The following ISL1 variants were observed in gnomAD, a reference collection of about 807,000 sequenced individuals.
ISL1 encodes the protein ISL LIM homeobox 1, also known as insulin gene enhancer protein ISL-1.
ISL1 carries 4 observed loss-of-function variants against 35.3 expected under a neutral mutation model. That is an observed-to-expected ratio of 0.11 (90% CI 0.06 to 0.26). The LOEUF (loss-of-function observed/expected upper bound fraction) is 0.26. Among genes scored for constraint, ISL1 ranks in the 10% least tolerant of loss-of-function variants. The pLI is 1.00. For missense variants in ISL1, 340 were observed against 472.8 expected, an observed-to-expected ratio of 0.72 and a Z score of 2.60; for synonymous variants, 186 against 172.3, an observed-to-expected ratio of 1.08 and a Z score of -0.62.
chr5:51,390,236 G>C (rs1201724776), intron 4 of ISL1, among the ~76,000 whole-genome samples: 2 of 152,146 alleles, frequency 1.3e-5, no homozygotes, highest in African/African-American at 4.8e-5. Context: ...CCGGAGAAAC[G>C]CCGTCCTCCC....
Position 51,389,839 on chromosome 5 carries a change from G to A in ISL1, c.672G>A (p.Val224=). ...LVEMTGLSPR[V]IRVWFQNKRC... ...AGATGACGGGCCTCAGTCCCCGTGTGATCCGGGTCTGGTTTCAAAACAAGC... is the reference window on the plus strand; with the variant it reads ...AGATGACGGGCCTCAGTCCCCGTGTAATCCGGGTCTGGTTTCAAAACAAGC... The change falls in exon 4 of 6, where the codon GTG becomes GTA. Residue 224 remains valine, a synonymous_variant. Coordinates refer to ENST00000230658, the MANE Select transcript of ISL1 (RefSeq NM_002202.3). The surrounding 1 kb of genome is among the most constrained non-coding windows in gnomAD (Gnocchi z 5.0). 6.2e-7 allele frequency: 1 copy of A among 1,614,240 alleles called. No individual in the cohort carries two copies. Among genetic ancestry groups the A allele is most frequent in the Non-Finnish European group, 8.5e-7 (1 of 1,180,046 alleles).
At position 51,383,560 on chromosome 5, in the gene ISL1, A is replaced by C; in HGVS notation, c.-112A>C. 1.1e-6 allele frequency: 1 copy of C among 935,470 alleles called. No individual in the cohort carries two copies. Among genetic ancestry groups the C allele is most frequent in the Non-Finnish European group, 1.8e-6 (1 of 563,066 alleles). 57.9% of individuals were successfully genotyped at this position (935,470 alleles called of 1,614,324 possible). A position where few individuals can be genotyped will look rare whatever the true frequency, so the allele number is the denominator to read the frequency against. Reference sequence around the variant, plus strand: ...AGCAGCGGCTCTTTCAGCATTGGCAACCCCAGGGGCCAATATTTCCCACTT... The same window carrying C: ...AGCAGCGGCTCTTTCAGCATTGGCACCCCCAGGGGCCAATATTTCCCACTT... On this transcript the variant is annotated 5_prime_UTR_variant, in exon 1 of 6. Transcript: ENST00000230658.
intron 2 of ISL1, chr5:51,386,538 A>G (rs965873825): frequency 1.5e-5 from 7 of 454,054 alleles, no homozygotes; most frequent in African/African-American, 1.2e-4. Flanking sequence ...TTCTGTTCGT[A>G]GGAATGCCCC....
Position 51,391,353 on chromosome 5 carries a change from T to C in ISL1, c.845T>C (p.Val282Ala). 1.9e-6 allele frequency: 3 copies of C among 1,614,014 alleles called. No homozygotes were observed. Among genetic ancestry groups the C allele is most frequent in the Non-Finnish European group, 2.5e-6 (3 of 1,180,016 alleles). ...GACGGTGGCTTACAGGCTAACCCAG[T>C]GGAAGTACAAAGTTACCAGCCACCT... ...RHDGGLQANPVEVQSYQPPWK... is the reference protein window; with the variant it reads ...RHDGGLQANPAEVQSYQPPWK... Residue 282 changes from valine (V) to alanine (A), a missense_variant, in exon 5 of 6, where the codon GTG (valine) becomes GCG (alanine). Val to Ala is a moderately conservative substitution (Grantham distance 64). Transcript: ENST00000230658.
At chr5:51,391,024 A>G (rs1426771473) in intron 4 of ISL1, among the ~76,000 whole-genome samples, 1 of 152,036 alleles carries the variant, frequency 6.6e-6, no homozygotes, top group African/African-American at 2.4e-5. Context: ...GAAGAAGAAA[A>G]TCAAAGTAGA....
intron 2 of ISL1, among the ~76,000 whole-genome samples, chr5:51,385,228 G>A (rs1050085471): frequency 6.6e-6 from 1 of 152,192 alleles, no homozygotes; most frequent in African/African-American, 2.4e-5. Flanking sequence ...TTGAAAGAGC[G>A]AGTACAGGTA....
chr5:51,386,426 G>A, intron 2 of ISL1: 1 of 370,868 alleles, frequency 2.7e-6, no homozygotes, highest in Non-Finnish European at 5.3e-6. Flanking sequence ...TCTTGTAGTT[G>A]TAAAAGCAGA....
intron 3 of ISL1, among the ~76,000 whole-genome samples, chr5:51,388,293 A>T (rs1183847467): frequency 6.6e-6 from 1 of 152,220 alleles, no homozygotes; most frequent in Non-Finnish European, 1.5e-5. Context: ...GACTGAAAAG[A>T]TACAGTTTTA....
chr5:51,390,424 C>T (rs995407807), intron 4 of ISL1, among the ~76,000 whole-genome samples: 29 of 152,126 alleles, frequency 1.9e-4, no homozygotes, highest in Non-Finnish European at 3.7e-4. Flanking sequence ...TAAGTAAGGT[C>T]GGCCGCTGCG....
Position 51,384,522 on chromosome 5 carries a change from GTATT to G in ISL1, c.29-13_29-10del. 1.9e-6 allele frequency: 3 copies of G among 1,610,738 alleles called. No homozygotes were observed. Among genetic ancestry groups the G allele is most frequent in the Non-Finnish European group, 2.5e-6 (3 of 1,177,002 alleles). ...AGGAAGTAAACGGTTAGTCAATCATGTATTTATTTTCATTTCAGAAAAACGTCTG... is the reference window on the plus strand; with the variant it reads ...AGGAAGTAAACGGTTAGTCAATCATGTATTTTCATTTCAGAAAAACGTCTG... On this transcript the variant is annotated splice_polypyrimidine_tract_variant and intron_variant, in intron 1 of 5. Transcript: ENST00000230658.
Position 51,384,497 on chromosome 5 carries a change from A to G in ISL1, c.29-44A>G, listed in dbSNP as rs180866141. On this transcript the variant is annotated intron_variant, in intron 1 of 5. Transcript: ENST00000230658. ...ACACTAAAAGTGTGTTTATCTCTGTAGGAAGTAAACGGTTAGTCAATCATG... is the reference window on the plus strand; with the variant it reads ...ACACTAAAAGTGTGTTTATCTCTGTGGGAAGTAAACGGTTAGTCAATCATG... The G allele has an allele frequency of 1.7e-5, 26 of 1,554,072 alleles. No individual in the cohort carries two copies. In the Admixed American group the frequency reaches 2.3e-4, roughly 14 times the overall value.
Position 51,387,923 on chromosome 5 carries a change from C to T in ISL1, c.478+174C>T, listed in dbSNP as rs1324356054. On this transcript the variant is annotated intron_variant, in intron 3 of 5. Coordinates refer to ENST00000230658, the MANE Select transcript of ISL1 (RefSeq NM_002202.3). The surrounding 1 kb of genome is among the most constrained non-coding windows in gnomAD (Gnocchi z 4.3). ...TGCTCCTTTGCAGCAAGGTTCAATG[C>T]ACTCACTGTCTCCCTTGATTCCCCG... Among the ~76,000 whole-genome samples the T allele has an allele frequency of 6.6e-6, 1 of 152,264 alleles. No homozygotes were observed. The highest frequency in any genetic ancestry group is 1.5e-5 in the Non-Finnish European group (1 of 68,050).
chr5:51,384,403 T>TAAAAAAAAAAAAAAAAAAAAA, intron 1 of ISL1, 138 bp from the exon 2 acceptor site: 1 of 584,606 alleles, frequency 1.7e-6, no homozygotes, highest in Admixed American at 3.6e-5. Flanking sequence ...TGCAATGCTC[T>TAAAAAAAAAAAAAAAAAAAAA]AAAAAAAAAA....
In ISL1 at chr5:51,384,243, AG is replaced by A. The variant is rs60114688; in HGVS notation, c.29-288del. On this transcript the variant is annotated intron_variant, in intron 1 of 5. Coordinates refer to ENST00000230658, the MANE Select transcript of ISL1 (RefSeq NM_002202.3). ...TTCCCAATGATTATAGCAAAGAGGA[AG>A]GGGGGGGGGAGAAATACAAAATGAG... Among the ~76,000 whole-genome samples, 958 of 116,076 alleles carry A rather than the reference AG, an allele frequency of 8.3e-3. 13 individuals are homozygous for A. The highest frequency in any genetic ancestry group is 0.036 in the South Asian group (107 of 2,936). 76.2% of individuals were successfully genotyped at this position (116,076 alleles called of 152,430 possible). A position where few individuals can be genotyped will look rare whatever the true frequency, so the allele number is the denominator to read the frequency against.
Position 51,387,799 on chromosome 5 carries a change from G to C in ISL1, c.478+50G>C, listed in dbSNP as rs1387211663. 4 of 1,606,520 alleles carry C rather than the reference G, an allele frequency of 2.5e-6. No individual in the cohort carries two copies. The highest frequency in any genetic ancestry group is 3.4e-6 in the Non-Finnish European group (4 of 1,177,426). ...GGCAGGCGCCAGGTTAAGCCAGCCT[G>C]TGTGCCAGCGGCCACAACAACTATG... On this transcript the variant is annotated intron_variant, in intron 3 of 5. Transcript: ENST00000230658. This position sits in a 1 kb window ranked among gnomAD's most constrained non-coding sequence, Gnocchi z 4.3.
Position 51,387,791 on chromosome 5 carries a change from G to A in ISL1, c.478+42G>A. 1.2e-6 allele frequency: 2 copies of A among 1,609,246 alleles called. No homozygotes were observed. The highest frequency in any genetic ancestry group is 2.2e-5 in the South Asian group (2 of 90,716). On this transcript the variant is annotated intron_variant, in intron 3 of 5. Coordinates refer to ENST00000230658, the MANE Select transcript of ISL1 (RefSeq NM_002202.3). This position sits in a 1 kb window ranked among gnomAD's most constrained non-coding sequence, Gnocchi z 4.3. ...CTCGGGTAGGCAGGCGCCAGGTTAAGCCAGCCTGTGTGCCAGCGGCCACAA... is the reference window on the plus strand; with the variant it reads ...CTCGGGTAGGCAGGCGCCAGGTTAAACCAGCCTGTGTGCCAGCGGCCACAA...
At chr5:51,392,697 G>A (rs1377715570) in intron 5 of ISL1, among the ~76,000 whole-genome samples, 1 of 152,182 alleles carries the variant, frequency 6.6e-6, no homozygotes, top group Admixed American at 6.5e-5. Context: ...GGTAAGGGGA[G>A]GCTTCAGGGC....
rs1397807703 is a variant in ISL1 at position 51,394,053 on chromosome 5, C to T, written c.*443C>T. ...TGCCAAACAGGAGCTCCAGCAAAAG[C>T]GCAGGAAGAGAGACTGGCCTCCTTG... On this transcript the variant is annotated 3_prime_UTR_variant, in exon 6 of 6. Transcript: ENST00000230658. 1.5e-5 allele frequency: 3 copies of T among 201,512 alleles called. No individual in the cohort carries two copies. The highest frequency in any genetic ancestry group is 8.3e-5 in the South Asian group (1 of 11,986). The allele number at this position is 201,512 out of a possible 1,614,324, so 12.5% of individuals were successfully genotyped here. A position where few individuals can be genotyped will look rare whatever the true frequency, so the allele number is the denominator to read the frequency against.
chr5:51,390,034 C>T (rs1022232976), intron 4 of ISL1, 102 bp downstream of exon 4: 6 of 1,366,742 alleles, frequency 4.4e-6, no homozygotes, highest in Non-Finnish European at 6.0e-6. Flanking sequence ...CAATCCTGCT[C>T]CTGGGCAGGA....
Sources: allele counts gnomAD v4.1 joint callset (sites outside exome capture counted in the v4.1 genomes callset), GRCh38; gene constraint gnomAD v4.1.1; non-coding constraint Gnocchi (gnomAD v3.1); transcripts MANE v1.5; gene names NCBI Gene and HGNC (gene_info 2026-07-23, HGNC 2026-07-21).